The following SORCS3 variants were observed in gnomAD, a reference collection of about 807,000 sequenced individuals.
SORCS3 encodes sortilin related VPS10 domain containing receptor 3, also known as VPS10 domain-containing receptor SorCS3.
A neutral mutation model predicts 146.3 loss-of-function variants in SORCS3; 57 were observed. That is an observed-to-expected ratio of 0.39 (90% confidence interval 0.31 to 0.49). The LOEUF is 0.49. Among genes scored for constraint, SORCS3 ranks in the 20% least tolerant of loss-of-function variants. SORCS3 has a pLI of 0.92. For synonymous variants in SORCS3, 653 were observed against 618.5 expected, an observed-to-expected ratio of 1.06 and a Z score of -0.83; for missense variants, 1,341 against 1,575.5, an observed-to-expected ratio of 0.85 and a Z score of 2.52.
intron 18 of SORCS3, 93 bp downstream of exon 18, chr10:105,214,706 C>T: frequency 8.2e-7 from 1 of 1,218,928 alleles, no homozygotes; most frequent in Non-Finnish European, 1.1e-6. Context: ...CAGACCCCTG[C>T]ACCAAAGTCA....
intron 4 of SORCS3, among the ~76,000 whole-genome samples, chr10:104,988,173 C>G (rs552824517): frequency 6.6e-6 from 1 of 152,220 alleles, no homozygotes; most frequent in Non-Finnish European, 1.5e-5. Context: ...ACTGCCTGCT[C>G]TCTATCCTAG....
At chr10:105,097,329 G>T (rs149466054) in intron 6 of SORCS3, among the ~76,000 whole-genome samples, 1 of 152,332 alleles carries the variant, frequency 6.6e-6, no homozygotes, top group South Asian at 2.1e-4. Context: ...ACAACTGTGC[G>T]AATAATCCTA....
At chr10:105,106,481 T>C (rs984329412) in intron 7 of SORCS3, among the ~76,000 whole-genome samples, 1 of 152,170 alleles carries the variant, frequency 6.6e-6, no homozygotes, top group African/African-American at 2.4e-5. Context: ...TATCAATGGA[T>C]TTGTCTTCTC....
intron 2 of SORCS3, among the ~76,000 whole-genome samples, chr10:104,864,727 C>A (rs761869045): frequency 7.2e-5 from 11 of 152,108 alleles, no homozygotes; most frequent in African/African-American, 1.4e-4. Context: ...ATATAGAGAG[C>A]AAGGAGAGCA....
chr10:104,807,751 G>T (rs1401278295), intron 1 of SORCS3, among the ~76,000 whole-genome samples: 2 of 152,182 alleles, frequency 1.3e-5, no homozygotes, highest in Non-Finnish European at 2.9e-5. Flanking sequence ...TCCAACACTT[G>T]CTGCTCTCCC....
intron 14 of SORCS3, 102 bp from the exon 15 acceptor site, chr10:105,199,897 A>G: frequency 1.2e-6 from 1 of 813,452 alleles, no homozygotes; most frequent in Non-Finnish European, 2.1e-6. Context: ...ACTAAAGTCC[A>G]GGCTGCAGTG....
intron 2 of SORCS3, among the ~76,000 whole-genome samples, chr10:104,877,337 G>C (rs1295104062): frequency 6.6e-6 from 1 of 151,962 alleles, no homozygotes. Context: ...CCCAGCCCCA[G>C]TTCCTTCCAA....
chr10:104,950,867 G>A (rs2019421472), intron 3 of SORCS3, among the ~76,000 whole-genome samples: 1 of 152,196 alleles, frequency 6.6e-6, no homozygotes, highest in Admixed American at 6.5e-5. Flanking sequence ...ATATACAAAT[G>A]GCTGTTTCCT....
intron 14 of SORCS3, among the ~76,000 whole-genome samples, chr10:105,182,501 G>C (rs1201512863): frequency 2.0e-5 from 3 of 152,018 alleles, no homozygotes; most frequent in Non-Finnish European, 4.4e-5. Context: ...AAGATGTGTG[G>C]GGAAACAGTG....
At chr10:105,186,257 G>A (rs2119580956) in intron 14 of SORCS3, among the ~76,000 whole-genome samples, 1 of 152,220 alleles carries the variant, frequency 6.6e-6, no homozygotes, top group East Asian at 1.9e-4. Flanking sequence ...TTTACATGTG[G>A]ATTATCTTTG....
intron 3 of SORCS3, among the ~76,000 whole-genome samples, chr10:104,935,684 A>G (rs2019252969): frequency 6.8e-6 from 1 of 147,002 alleles, no homozygotes; most frequent in South Asian, 2.3e-4. Context: ...GAAGCTCAGA[A>G]GGAAGCTATA....
chr10:105,139,322 G>C, intron 7 of SORCS3, 75 bp from the exon 8 acceptor site: 1 of 1,083,302 alleles, frequency 9.2e-7, no homozygotes. Context: ...GTTGTTGATA[G>C]AAGAGCTAAT....
intron 5 of SORCS3, among the ~76,000 whole-genome samples, chr10:105,060,056 A>G (rs962482482): frequency 1.3e-5 from 2 of 152,198 alleles, no homozygotes; most frequent in Non-Finnish European, 2.9e-5. Context: ...GATACAAAGG[A>G]TTGTTAGGTA....
At chr10:104,987,530 A>G (rs2054969292) in intron 4 of SORCS3, among the ~76,000 whole-genome samples, 1 of 152,204 alleles carries the variant, frequency 6.6e-6, no homozygotes. Flanking sequence ...AAGAAGGAGT[A>G]TGTTGTAGAA....
At chr10:105,129,990 C>G (rs2056006561) in intron 7 of SORCS3, among the ~76,000 whole-genome samples, 1 of 152,122 alleles carries the variant, frequency 6.6e-6, no homozygotes, top group Non-Finnish European at 1.5e-5. Context: ...CATAGTCAGT[C>G]TCCAGAAGAC....
chr10:105,071,812 C>T (rs2055558332), intron 5 of SORCS3, among the ~76,000 whole-genome samples: 1 of 152,170 alleles, frequency 6.6e-6, no homozygotes, highest in Non-Finnish European at 1.5e-5. Context: ...TCTCTTTTAT[C>T]CCCATCTATA....
At chr10:104,712,787 G>C (rs2016433651) in intron 1 of SORCS3, among the ~76,000 whole-genome samples, 1 of 152,170 alleles carries the variant, frequency 6.6e-6, no homozygotes, top group African/African-American at 2.4e-5. Flanking sequence ...TAACCCAGAT[G>C]AGGACAAACT....
chr10:104,856,595 C>CATATGTAT (rs755895472), intron 2 of SORCS3, among the ~76,000 whole-genome samples: 10 of 132,902 alleles, frequency 7.5e-5, no homozygotes, highest in African/African-American at 3.3e-4. Context: ...TAAATATATA[C>CATATGTAT]ATATAAATGT....
chr10:104,971,493 C>A (rs1033529777), intron 3 of SORCS3, among the ~76,000 whole-genome samples: 1 of 152,172 alleles, frequency 6.6e-6, no homozygotes, highest in Non-Finnish European at 1.5e-5. Flanking sequence ...TGGAAACGCT[C>A]ATGGAGCTAG....
Sources: allele counts gnomAD v4.1 joint callset (sites outside exome capture counted in the v4.1 genomes callset), GRCh38; gene constraint gnomAD v4.1.1; transcripts MANE v1.5; gene names NCBI Gene and HGNC (gene_info 2026-07-23, HGNC 2026-07-21).